VAT1L: variants seen among roughly 807,000 people sequenced by gnomAD.
The protein encoded by VAT1L is vesicle amine transport 1 like, also known as putative NADPH-dependent quinone oxidoreductase VAT1L.
In VAT1L, 34 loss-of-function variants were observed where a neutral mutation model predicts 44.1. The observed-to-expected ratio is 0.77, with a 90% CI of 0.59 to 1.03. The LOEUF (loss-of-function observed/expected upper bound fraction) is 1.03. Ranked by LOEUF, VAT1L falls within the 50% of genes least tolerant of loss-of-function variation. VAT1L has a pLI of 0.00. For missense variants in VAT1L, 615 were observed against 538.8 expected (o/e 1.14, Z -1.40); for synonymous variants, 253 against 202.2 (o/e 1.25, Z -2.13).
intron 3 of VAT1L, among the ~76,000 whole-genome samples, chr16:77,860,427 GC>G (rs1452083300): frequency 6.6e-6 from 1 of 152,140 alleles, no homozygotes; most frequent in Non-Finnish European, 1.5e-5. Flanking sequence ...ATTAACACAT[GC>G]CAATCATTTT....
intron 7 of VAT1L, among the ~76,000 whole-genome samples, chr16:77,968,865 C>A (rs1009159822): frequency 6.6e-6 from 1 of 152,050 alleles, no homozygotes; most frequent in African/African-American, 2.4e-5. Flanking sequence ...GTTGCCCAGG[C>A]GGGAGCACAG....
At chr16:77,859,559 A>T (rs1438640250) in intron 3 of VAT1L, among the ~76,000 whole-genome samples, 5 of 152,154 alleles carry the variant, frequency 3.3e-5, no homozygotes, top group Non-Finnish European at 4.4e-5. Context: ...ATAAATAGTG[A>T]CATGTTCAGT....
At chr16:77,924,695 G>C (rs1402252095) in intron 7 of VAT1L, among the ~76,000 whole-genome samples, 1 of 152,138 alleles carries the variant, frequency 6.6e-6, no homozygotes, top group South Asian at 2.1e-4. Flanking sequence ...CTCCTGGCAA[G>C]TGATCTGCCT....
At position 77,935,059 on chromosome 16, in the gene VAT1L, G is replaced by T. The variant is rs552662751; in HGVS notation, c.1078-36791G>T. On this transcript the variant is annotated intron_variant, in intron 7 of 8. Transcript: ENST00000302536. ...CTGGTACCACGGAATGTTTCTTTGG[G>T]CAGGTCTCTTCTGTCTTTTACATCT... Among the ~76,000 whole-genome samples, 3 of 152,230 alleles carry T rather than the reference G, an allele frequency of 2.0e-5. No individual in the cohort carries two copies. In the South Asian group the frequency reaches 6.2e-4, roughly 32 times the overall value.
chr16:77,876,216 C>T (rs943493611), intron 4 of VAT1L, among the ~76,000 whole-genome samples, 154 bp from the exon 5 acceptor site: 1 of 152,124 alleles, frequency 6.6e-6, no homozygotes, highest in Non-Finnish European at 1.5e-5. Context: ...AAGACATATC[C>T]ACCTCCTGGG....
rs117555343 is a variant in VAT1L at position 77,847,846 on chromosome 16, A to G, written c.580-14902A>G. Reference sequence around the variant, plus strand: ...TTATTTGAATTTTTATCAGTCAAGTATGCTACCCAAAAATTGTGTTATACA... The same window carrying G: ...TTATTTGAATTTTTATCAGTCAAGTGTGCTACCCAAAAATTGTGTTATACA... On this transcript the variant is annotated intron_variant, in intron 3 of 8. Coordinates refer to ENST00000302536, the MANE Select transcript of VAT1L (RefSeq NM_020927.3). Among the ~76,000 whole-genome samples, 1,307 of 152,310 alleles carry G rather than the reference A, an allele frequency of 8.6e-3. 16 individuals carry two copies. The highest frequency in any genetic ancestry group is 0.029 in the East Asian group (148 of 5,164).
chr16:77,910,940 G>A (rs978797328), intron 7 of VAT1L, among the ~76,000 whole-genome samples: 3 of 152,162 alleles, frequency 2.0e-5, no homozygotes, highest in Admixed American at 6.5e-5. Context: ...TAATAGATGA[G>A]GCAAAAGAAT....
intron 7 of VAT1L, among the ~76,000 whole-genome samples, chr16:77,889,698 A>G (rs2017243626): frequency 6.6e-6 from 1 of 152,266 alleles, no homozygotes; most frequent in Non-Finnish European, 1.5e-5. Context: ...GACAAAAATA[A>G]AATCTATAAA....
intron 4 of VAT1L, among the ~76,000 whole-genome samples, chr16:77,872,904 T>G (rs1050270859): frequency 6.6e-6 from 1 of 152,154 alleles, no homozygotes; most frequent in Admixed American, 6.5e-5. Flanking sequence ...GGCTGGAAAT[T>G]AAGGGTAAAT....
rs914491998 is a variant in VAT1L, at chr16:77,879,743, G to C, written c.882+519G>C. ...ATGAAACAGAGAGGTGGGAGTGTCA[G>C]AGAAACTCAAGAAAGCTACAGCTTT... On this transcript the variant is annotated intron_variant, in intron 6 of 8. Transcript: ENST00000302536. This position sits in a 1 kb window ranked among gnomAD's most constrained non-coding sequence, Gnocchi z 4.1. 7.2e-5 allele frequency among the ~76,000 whole-genome samples: 11 copies of C among 152,192 alleles called. No homozygotes were observed. The highest frequency in any genetic ancestry group is 2.1e-4 in the South Asian group (1 of 4,828).
intron 7 of VAT1L, among the ~76,000 whole-genome samples, chr16:77,897,485 T>G (rs2017336472): frequency 6.6e-6 from 1 of 152,170 alleles, no homozygotes; most frequent in African/African-American, 2.4e-5. Flanking sequence ...TTGTTTTGTG[T>G]TTGAGACAGA....
chr16:77,932,693 G>A (rs2017746416), intron 7 of VAT1L, among the ~76,000 whole-genome samples: 1 of 152,150 alleles, frequency 6.6e-6, no homozygotes, highest in Non-Finnish European at 1.5e-5. Flanking sequence ...TGAAAGGAAT[G>A]CCACCTCCTA....
chr16:77,973,399 C>A (rs2018301381), intron 8 of VAT1L, among the ~76,000 whole-genome samples: 1 of 152,052 alleles, frequency 6.6e-6, no homozygotes, highest in Non-Finnish European at 1.5e-5. Context: ...ATTCTCCTGC[C>A]TCAGCCTCCT....
intron 7 of VAT1L, among the ~76,000 whole-genome samples, chr16:77,887,891 C>T (rs2017225329): frequency 6.6e-6 from 1 of 152,152 alleles, no homozygotes; most frequent in African/African-American, 2.4e-5. Context: ...GAAATACAGT[C>T]TAAATTCCTC....
intron 1 of VAT1L, among the ~76,000 whole-genome samples, chr16:77,795,779 G>C (rs1466845930): frequency 7.4e-6 from 1 of 135,684 alleles, no homozygotes; most frequent in Non-Finnish European, 1.6e-5. Context: ...TTAACCATTT[G>C]TGTTTCAGCA....
chr16:77,850,746 G>A (rs745774871), intron 3 of VAT1L, among the ~76,000 whole-genome samples: 51 of 152,002 alleles, frequency 3.4e-4, no homozygotes, highest in Non-Finnish European at 6.3e-4. Flanking sequence ...ATGAGAATCC[G>A]GCATCCCACC....
chr16:77,839,000 G>A (rs2016671967), intron 3 of VAT1L, among the ~76,000 whole-genome samples: 1 of 152,062 alleles, frequency 6.6e-6, no homozygotes, highest in African/African-American at 2.4e-5. Flanking sequence ...TATTCCTGAA[G>A]CCTGCAGTCC....
chr16:77,941,232 T>C lies in VAT1L; in HGVS notation c.1078-30618T>C, dbSNP rs189241407. 5.9e-3 allele frequency among the ~76,000 whole-genome samples: 904 copies of C among 152,310 alleles called. 3 individuals carry two copies. Among genetic ancestry groups the C allele is most frequent in the Middle Eastern group, 0.01 (3 of 294 alleles). On this transcript the variant is annotated intron_variant, in intron 7 of 8. Transcript: ENST00000302536. ...ATAAGGCCCAGCTTCTTGTGGGACA[T>C]GCTAGTGGGGCCTTTTGGAGGCAGA...
At chr16:77,929,267 T>A (rs780211693) in intron 7 of VAT1L, among the ~76,000 whole-genome samples, 29 of 152,186 alleles carry the variant, frequency 1.9e-4, no homozygotes, top group Non-Finnish European at 3.2e-4. Flanking sequence ...TAGTACTGCC[T>A]GAACAGCGGG....
Sources: gnomAD v4.1 joint callset for allele counts (sites outside exome capture counted in the v4.1 genomes callset) on GRCh38, gnomAD v4.1.1 for gene constraint, Gnocchi (gnomAD v3.1) non-coding constraint, MANE v1.5 for transcripts, NCBI Gene and HGNC (gene_info 2026-07-23, HGNC 2026-07-21) for gene names.